The following IGFL2 variants were observed in gnomAD, a reference collection of about 807,000 sequenced individuals.
IGFL2 encodes IGF like family member 2, also known as insulin growth factor-like family member 2.
IGFL2 carries 7 observed loss-of-function variants against 13.9 expected under a neutral mutation model. The observed-to-expected ratio is 0.51, with a 90% CI of 0.29 to 0.95. IGFL2 has a LOEUF of 0.95. IGFL2 is among the 40% of genes least tolerant of loss of function. The probability of loss-of-function intolerance (pLI) is 0.08; values close to 1 mark genes in which losing one functional copy is unlikely to be tolerated. For synonymous variants in IGFL2, 55 were observed against 55.8 expected, an observed-to-expected ratio of 0.99 and a Z score of 0.07; for missense variants, 138 against 147.8, an observed-to-expected ratio of 0.93 and a Z score of 0.34.
At chr19:46,168,132 G>A in the IGFL2 span, among the ~76,000 whole-genome samples, 6 of 152,226 alleles carry the variant, frequency 3.9e-5, no homozygotes, top group Admixed American at 2.6e-4. Context: ...ACTAGGTCTC[G>A]CTGTGTTGCC....
chr19:46,161,287 G>T lies in IGFL2; in HGVS notation c.*199G>T. 1.9e-5 allele frequency: 8 copies of T among 428,724 alleles called. No homozygotes were observed. The highest frequency in any genetic ancestry group is 8.7e-5 in the South Asian group (2 of 23,044). 26.6% of individuals were successfully genotyped at this position (428,724 alleles called of 1,614,324 possible). ...AAATAAATAAAGTGGTTTTTCCAAT[G>T]TACACACCTGTACCCAATGTCGTCT... On this transcript the variant is annotated 3_prime_UTR_variant, in exon 4 of 4. Coordinates refer to ENST00000377693, the MANE Select transcript of IGFL2 (RefSeq NM_001135113.2).
upstream of IGFL2, among the ~76,000 whole-genome samples, chr19:46,139,040 T>C (rs1972735069): frequency 6.6e-6 from 1 of 152,106 alleles, no homozygotes; most frequent in African/African-American, 2.4e-5. Flanking sequence ...TGGGACCTTT[T>C]GCAGCTAGGA....
the IGFL2 span, among the ~76,000 whole-genome samples, chr19:46,176,781 A>G: frequency 6.6e-6 from 1 of 151,402 alleles, no homozygotes; most frequent in Non-Finnish European, 1.5e-5. Flanking sequence ...ACCGGACCAC[A>G]CTCCCCCCAG....
At chr19:46,088,793 C>T in the IGFL2 span, among the ~76,000 whole-genome samples, 3 of 152,102 alleles carry the variant, frequency 2.0e-5, no homozygotes, top group Admixed American at 6.5e-5. Flanking sequence ...TTTGAGACCT[C>T]ACAGATGAAG....
chr19:46,109,916 A>G, the IGFL2 span, among the ~76,000 whole-genome samples: 3 of 152,036 alleles, frequency 2.0e-5, no homozygotes, highest in African/African-American at 7.2e-5. Flanking sequence ...GGCCATCTGG[A>G]TGTATACATG....
chr19:46,160,202 G>A (rs1974074082), intron 1 of IGFL2: 1 of 574,190 alleles, frequency 1.7e-6, no homozygotes, highest in Admixed American at 3.0e-5. Context: ...AGTTTTCCCT[G>A]CATTCTCTTT....
chr19:46,206,528 G>T, the IGFL2 span, among the ~76,000 whole-genome samples: 1 of 152,190 alleles, frequency 6.6e-6, no homozygotes, highest in Non-Finnish European at 1.5e-5. Context: ...GGTAGTCAGT[G>T]ATTTTTAAGA....
the IGFL2 span, among the ~76,000 whole-genome samples, chr19:46,084,357 G>A: frequency 5.5e-3 from 831 of 152,224 alleles, 11 homozygotes; most frequent in African/African-American, 0.019. Flanking sequence ...ATTTTGTTTT[G>A]TCTGGTTGAT....
At chr19:46,112,041 C>T in the IGFL2 span, 1 of 152,208 alleles carries the variant, frequency 6.6e-6, no homozygotes, top group East Asian at 1.9e-4. Context: ...AGAATAGACT[C>T]TACGACTTTC....
chr19:46,111,285 A>G, the IGFL2 span: 2 of 152,292 alleles, frequency 1.3e-5, no homozygotes, highest in South Asian at 4.1e-4. Flanking sequence ...TCACCTCTAT[A>G]TCAGTTGGTC....
chr19:46,109,120 G>A, the IGFL2 span, among the ~76,000 whole-genome samples: 1 of 152,318 alleles, frequency 6.6e-6, no homozygotes, highest in East Asian at 1.9e-4. Context: ...CACCAAACAG[G>A]CTTTGTGTGA....
chr19:46,128,256 G>A, the IGFL2 span, among the ~76,000 whole-genome samples: 1 of 152,086 alleles, frequency 6.6e-6, no homozygotes, highest in East Asian at 1.9e-4. Context: ...GAGACTGTAG[G>A]GTTTTCTAGA....
the IGFL2 span, among the ~76,000 whole-genome samples, chr19:46,117,298 T>C: frequency 1.3e-5 from 2 of 152,184 alleles, no homozygotes; most frequent in Non-Finnish European, 2.9e-5. Flanking sequence ...TTGCCCAGGC[T>C]GGTCTTGAAC....
At chr19:46,186,486 C>T in the IGFL2 span, among the ~76,000 whole-genome samples, 3 of 152,196 alleles carry the variant, frequency 2.0e-5, no homozygotes, top group Admixed American at 2.0e-4. Context: ...GACCTTGTTC[C>T]TGCAGGGAAA....
At chr19:46,082,589 G>A in the IGFL2 span, among the ~76,000 whole-genome samples, 9 of 152,026 alleles carry the variant, frequency 5.9e-5, no homozygotes, top group African/African-American at 1.5e-4. Flanking sequence ...GAGGGTAGAA[G>A]CAGGGACTTC....
chr19:46,081,509 C>G, the IGFL2 span, among the ~76,000 whole-genome samples: 4 of 152,260 alleles, frequency 2.6e-5, no homozygotes, highest in African/African-American at 9.6e-5. Context: ...TTCAGTGTTG[C>G]AATTCGTTAT....
upstream of IGFL2, among the ~76,000 whole-genome samples, chr19:46,147,599 G>T (rs771305967): frequency 6.6e-6 from 1 of 152,172 alleles, no homozygotes; most frequent in African/African-American, 2.4e-5. Flanking sequence ...AATAGGCGAC[G>T]TCTGGGAAGA....
the IGFL2 span, chr19:46,213,948 C>G: frequency 6.5e-6 from 1 of 152,824 alleles, no homozygotes; most frequent in Admixed American, 6.5e-5. Context: ...CAGCTCAGAC[C>G]CCGCCCCGGG....
At chr19:46,113,239 A>G in the IGFL2 span, 1 of 190,580 alleles carries the variant, frequency 5.2e-6, no homozygotes, top group African/African-American at 2.4e-5. Flanking sequence ...AGACGTTGGT[A>G]GACAAAATGA....
Sources: allele counts gnomAD v4.1 joint callset (sites outside exome capture counted in the v4.1 genomes callset), GRCh38; gene constraint gnomAD v4.1.1; transcripts MANE v1.5; gene names NCBI Gene and HGNC (gene_info 2026-07-23, HGNC 2026-07-21).